The following TMEM51 variants were observed in gnomAD, a reference collection of about 807,000 sequenced individuals.
TMEM51 encodes chromosome 1 open reading frame 72.
TMEM51 carries 8 observed loss-of-function variants against 13.6 expected under a neutral mutation model. The observed-to-expected ratio is 0.59, with a 90% CI of 0.35 to 1.07. TMEM51 has a LOEUF of 1.07. Ranked by LOEUF, TMEM51 falls within the 50% of genes least tolerant of loss-of-function variation. The pLI is 0.02. For synonymous variants in TMEM51, 147 were observed against 144.4 expected, an observed-to-expected ratio of 1.02 and a Z score of -0.13; for missense variants, 279 against 330.7, an observed-to-expected ratio of 0.84 and a Z score of 1.21.
At chr1:15,164,207 C>A in intron 1 of TMEM51, 1 of 391,532 alleles carries the variant, frequency 2.6e-6, no homozygotes, top group Non-Finnish European at 5.1e-6. Flanking sequence ...AAACTACAGA[C>A]TTTATTTTGA....
chr1:15,159,366 G>A (rs1021984436), intron 1 of TMEM51, among the ~76,000 whole-genome samples: 13 of 152,212 alleles, frequency 8.5e-5, no homozygotes, highest in African/African-American at 2.9e-4. Context: ...CAAAACACAC[G>A]TTCACGGTGC....
intron 1 of TMEM51, among the ~76,000 whole-genome samples, chr1:15,173,858 G>A (rs1329333813): frequency 6.6e-6 from 1 of 152,150 alleles, no homozygotes; most frequent in Non-Finnish European, 1.5e-5. Flanking sequence ...CCTTAACTAG[G>A]TAAGACTTAG....
chr1:15,187,254 T>A (rs1321872005), intron 1 of TMEM51, among the ~76,000 whole-genome samples: 1 of 151,022 alleles, frequency 6.6e-6, no homozygotes. Context: ...GACTGGATCT[T>A]AATTCGCCCT....
chr1:15,197,607 C>T (rs1041616240), intron 1 of TMEM51, among the ~76,000 whole-genome samples: 2 of 152,150 alleles, frequency 1.3e-5, no homozygotes, highest in African/African-American at 4.8e-5. Context: ...AATCACTCAC[C>T]TCATTCCTGC....
At position 15,153,854 on chromosome 1, in the gene TMEM51, C is replaced by T. The variant is rs1179354005; in HGVS notation, c.-367C>T. 4 of 151,470 alleles carry T rather than the reference C, an allele frequency of 2.6e-5. No homozygotes were observed. Among genetic ancestry groups the T allele is most frequent in the Non-Finnish European group, 5.9e-5 (4 of 67,918 alleles). The allele number at this position is 151,470 out of a possible 1,614,324, so 9.4% of individuals were successfully genotyped here. On this transcript the variant is annotated 5_prime_UTR_variant, in exon 1 of 4. Coordinates refer to ENST00000376008, the MANE Select transcript of TMEM51 (RefSeq NM_001136218.2). ...CCCCCGAACCCCAGCCCCGCGATCG[C>T]GGCGCCCACCGAGGAGGCCGCCCGG...
At chr1:15,172,648 CAAG>C (rs1227022853) in intron 1 of TMEM51, among the ~76,000 whole-genome samples, 1 of 152,178 alleles carries the variant, frequency 6.6e-6, no homozygotes, top group African/African-American at 2.4e-5. Context: ...ATATTGTCTA[CAAG>C]AGTTCCTCCT....
intron 1 of TMEM51, chr1:15,171,118 T>TCC: frequency 5.5e-6 from 3 of 547,032 alleles, no homozygotes; most frequent in South Asian, 1.8e-5. Context: ...CCCCGCCACA[T>TCC]CCCCCACCCC....
At chr1:15,171,500 G>A (rs1435276200) in intron 1 of TMEM51, among the ~76,000 whole-genome samples, 1 of 151,918 alleles carries the variant, frequency 6.6e-6, no homozygotes, top group Non-Finnish European at 1.5e-5. Context: ...AAGTGTCCGC[G>A]GGGGGGCCTG....
chr1:15,157,775 C>G (rs961963799), intron 1 of TMEM51, among the ~76,000 whole-genome samples: 2 of 152,228 alleles, frequency 1.3e-5, no homozygotes, highest in Non-Finnish European at 2.9e-5. Context: ...CTTAGCCAGA[C>G]TTGATAATGT....
chr1:15,205,085 G>A (rs553577866), intron 1 of TMEM51, among the ~76,000 whole-genome samples: 5 of 152,236 alleles, frequency 3.3e-5, no homozygotes, highest in East Asian at 1.9e-4. Context: ...TGGGTCCCCC[G>A]TGCCAGCCTT....
chr1:15,173,128 T>C (rs945459496), intron 1 of TMEM51, among the ~76,000 whole-genome samples: 10 of 152,090 alleles, frequency 6.6e-5, no homozygotes, highest in Non-Finnish European at 1.3e-4. Flanking sequence ...TTAATAGTTG[T>C]GCCTGGACAT....
intron 1 of TMEM51, among the ~76,000 whole-genome samples, chr1:15,175,929 C>A (rs971899326): frequency 6.6e-6 from 1 of 152,230 alleles, no homozygotes; most frequent in Non-Finnish European, 1.5e-5. Flanking sequence ...CAGTCTGCTG[C>A]CACCGTGTCA....
intron 1 of TMEM51, among the ~76,000 whole-genome samples, chr1:15,158,651 A>T (rs753283099): frequency 7.2e-5 from 11 of 152,136 alleles, no homozygotes; most frequent in Non-Finnish European, 1.3e-4. Flanking sequence ...TTGTTTCCTA[A>T]TCGGTGATTC....
chr1:15,169,892 A>G (rs543293209), intron 1 of TMEM51, among the ~76,000 whole-genome samples: 89 of 152,322 alleles, frequency 5.8e-4, no homozygotes, highest in Middle Eastern at 6.8e-3. Flanking sequence ...TTCCTAACAG[A>G]TTACAAGTAA....
chr1:15,211,743 G>T (rs560526508), intron 2 of TMEM51, among the ~76,000 whole-genome samples: 1 of 149,550 alleles, frequency 6.7e-6, no homozygotes, highest in Non-Finnish European at 1.5e-5. Flanking sequence ...ATTCAAAAGA[G>T]AGAAATAGAA....
At chr1:15,211,821 A>AAC (rs1644343024) in intron 2 of TMEM51, among the ~76,000 whole-genome samples, 1 of 101,210 alleles carries the variant, frequency 9.9e-6, no homozygotes, top group African/African-American at 4.2e-5. Context: ...CTGAAAGGTG[A>AAC]CCCCCCCCCC....
intron 1 of TMEM51, among the ~76,000 whole-genome samples, chr1:15,202,668 A>G (rs1644178628): frequency 6.6e-6 from 1 of 151,718 alleles, no homozygotes; most frequent in Non-Finnish European, 1.5e-5. Context: ...TAAGGCTACT[A>G]CTCATCAAAT....
intron 1 of TMEM51, among the ~76,000 whole-genome samples, chr1:15,164,901 C>G (rs1642937149): frequency 6.8e-6 from 1 of 147,562 alleles, no homozygotes; most frequent in Non-Finnish European, 1.5e-5. Flanking sequence ...CTCCCGAGTT[C>G]AAGCAATTCT....
chr1:15,181,281 G>A (rs1557841200), intron 1 of TMEM51, among the ~76,000 whole-genome samples: 1 of 152,192 alleles, frequency 6.6e-6, no homozygotes, highest in East Asian at 1.9e-4. Context: ...GATATTTGCT[G>A]TCATCTGCGA....
Sources: allele counts gnomAD v4.1 joint callset (sites outside exome capture counted in the v4.1 genomes callset), GRCh38; gene constraint gnomAD v4.1.1; transcripts MANE v1.5; gene names NCBI Gene and HGNC (gene_info 2026-07-23, HGNC 2026-07-21).